Variants in ELAVL4 observed in about 807,000 individuals in gnomAD.
The protein encoded by ELAVL4 is ELAV-like protein 4.
A neutral mutation model predicts 35.6 loss-of-function variants in ELAVL4; 1 was observed. The observed-to-expected ratio is 0.03, with a 90% CI of 0.01 to 0.13. The LOEUF is 0.13. Ranked by LOEUF, ELAVL4 falls within the 10% of genes least tolerant of loss-of-function variation. The pLI is 1.00. For missense variants in ELAVL4, 267 were observed against 464.9 expected (o/e 0.57, Z 3.91); for synonymous variants, 156 against 171.0 (o/e 0.91, Z 0.69).
intron 3 of ELAVL4, among the ~76,000 whole-genome samples, chr1:50,190,769 C>G (rs1349774941): frequency 6.6e-6 from 1 of 152,196 alleles, no homozygotes; most frequent in Non-Finnish European, 1.5e-5. Flanking sequence ...TCCCTCTGTA[C>G]CCTAGCTCTG....
At chr1:50,075,488 A>G (rs1664719546) in intron 1 of ELAVL4, among the ~76,000 whole-genome samples, 1 of 152,206 alleles carries the variant, frequency 6.6e-6, no homozygotes. Flanking sequence ...AGGAAGGAGA[A>G]GGGGAAGTGG....
chr1:50,141,123 G>A (rs1672744133), intron 1 of ELAVL4, among the ~76,000 whole-genome samples: 1 of 152,180 alleles, frequency 6.6e-6, no homozygotes, highest in Admixed American at 6.5e-5. Context: ...GACAAGTGCT[G>A]GCTTTCACCA....
At chr1:50,113,581 G>A (rs940027171) in intron 1 of ELAVL4, among the ~76,000 whole-genome samples, 1 of 151,964 alleles carries the variant, frequency 6.6e-6, no homozygotes, top group African/African-American at 2.4e-5. Context: ...CTAAACACAC[G>A]AGTATGCGCT....
upstream of ELAVL4, chr1:50,103,959 C>T (rs377082588): frequency 1.9e-6 from 3 of 1,613,828 alleles, no homozygotes; most frequent in African/African-American, 4.0e-5. Context: ...TGGAACTGCC[C>T]TAATCGACTG....
upstream of ELAVL4, among the ~76,000 whole-genome samples, chr1:50,102,290 A>T (rs1235251266): frequency 8.0e-6 from 1 of 125,572 alleles, no homozygotes; most frequent in Non-Finnish European, 1.6e-5. Flanking sequence ...CATCTCAAAA[A>T]TAAAATAATA....
intron 1 of ELAVL4, among the ~76,000 whole-genome samples, chr1:50,081,982 A>G (rs1211399402): frequency 6.6e-6 from 1 of 152,162 alleles, no homozygotes; most frequent in Non-Finnish European, 1.5e-5. Flanking sequence ...TTCCAGCTTC[A>G]TTCATGTCCC....
chr1:50,068,467 G>A (rs1165874243), intron 1 of ELAVL4, among the ~76,000 whole-genome samples: 1 of 152,178 alleles, frequency 6.6e-6, no homozygotes, highest in Admixed American at 6.5e-5. Context: ...GTAGTAGAGT[G>A]TAGAAGGGCT....
intron 2 of ELAVL4, among the ~76,000 whole-genome samples, chr1:50,155,505 C>T (rs1389043058): frequency 1.3e-5 from 2 of 152,056 alleles, no homozygotes; most frequent in Non-Finnish European, 2.9e-5. Flanking sequence ...CTTTTTATGG[C>T]TAGGGCAGGC....
At chr1:50,060,577 G>A (rs955612529) in intron 1 of ELAVL4, among the ~76,000 whole-genome samples, 6 of 152,190 alleles carry the variant, frequency 3.9e-5, no homozygotes, top group African/African-American at 1.2e-4. Flanking sequence ...TTACTATGGA[G>A]GAGGGCCTGG....
intron 1 of ELAVL4, among the ~76,000 whole-genome samples, chr1:50,054,993 T>A (rs1388537971): frequency 6.6e-6 from 1 of 152,228 alleles, no homozygotes; most frequent in African/African-American, 2.4e-5. Context: ...ACCTATCCAA[T>A]CTACAGCTAC....
intron 3 of ELAVL4, among the ~76,000 whole-genome samples, chr1:50,186,986 C>T (rs1020074605): frequency 1.3e-5 from 2 of 152,162 alleles, no homozygotes; most frequent in African/African-American, 4.8e-5. Flanking sequence ...TTTCCAGGAA[C>T]CAGTTGGCTT....
rs1476697835 is a variant in ELAVL4 at position 50,203,657 on chromosome 1, A to G, written c.*2479A>G. ...TGAATGACTTCATGTTAATCTTGCT[A>G]GTTTAGATGATTTCCAAGGGAAAGT... is the stretch of plus-strand genomic sequence containing the variant. On this transcript the variant is annotated 3_prime_UTR_variant, in exon 7 of 7. Transcript: ENST00000371824. The G allele has an allele frequency of 6.6e-6, 1 of 152,162 alleles. No individual in the cohort carries two copies. Among genetic ancestry groups the G allele is most frequent in the Non-Finnish European group, 1.5e-5 (1 of 68,026 alleles). The allele number at this position is 152,162 out of a possible 1,614,324, so 9.4% of individuals were successfully genotyped here. A position where few individuals can be genotyped will look rare whatever the true frequency, so the allele number is the denominator to read the frequency against.
At chr1:50,109,915 G>A (rs1666768020) in intron 1 of ELAVL4, 1 of 1,612,140 alleles carries the variant, frequency 6.2e-7, no homozygotes, top group Non-Finnish European at 8.5e-7. Flanking sequence ...CACACTGTGT[G>A]AGGGTCCATC....
chr1:50,151,441 C>T (rs943456854), intron 2 of ELAVL4, among the ~76,000 whole-genome samples: 2 of 151,954 alleles, frequency 1.3e-5, no homozygotes, highest in Non-Finnish European at 2.9e-5. Flanking sequence ...ATTCTCTTTT[C>T]GTGAAATACT....
intron 1 of ELAVL4, among the ~76,000 whole-genome samples, chr1:50,117,608 G>A (rs958843255): frequency 2.0e-5 from 3 of 152,122 alleles, no homozygotes; most frequent in Non-Finnish European, 4.4e-5. Flanking sequence ...CTAACTCACA[G>A]GGTTTCTGCA....
At chr1:50,098,993 T>C (rs986658850), upstream of ELAVL4, among the ~76,000 whole-genome samples, 1 of 152,210 alleles carries the variant, frequency 6.6e-6, no homozygotes, top group Non-Finnish European at 1.5e-5. Flanking sequence ...AGGCTTCTGC[T>C]GGTGACCAAC....
At chr1:50,080,964 A>G (rs183684665) in intron 1 of ELAVL4, among the ~76,000 whole-genome samples, 4 of 152,320 alleles carry the variant, frequency 2.6e-5, no homozygotes, top group Admixed American at 2.0e-4. Context: ...TGTATCTCTA[A>G]AAGTGTGACT....
chr1:50,147,661 A>AT (rs1321784016), intron 2 of ELAVL4, among the ~76,000 whole-genome samples: 2 of 152,034 alleles, frequency 1.3e-5, no homozygotes, highest in Admixed American at 1.3e-4. Context: ...CATCATGGGT[A>AT]TTTTTGTTGC....
intron 6 of ELAVL4, among the ~76,000 whole-genome samples, chr1:50,199,479 G>C (rs1305950299): frequency 6.6e-6 from 1 of 152,184 alleles, no homozygotes; most frequent in East Asian, 1.9e-4. Flanking sequence ...GCCAAGGTGG[G>C]TGGATCACCT....
Sources: gnomAD v4.1 joint callset for allele counts (sites outside exome capture counted in the v4.1 genomes callset) on GRCh38, gnomAD v4.1.1 for gene constraint, MANE v1.5 for transcripts, NCBI Gene and HGNC (gene_info 2026-07-23, HGNC 2026-07-21) for gene names.